Variants in PDE4D observed in about 807,000 individuals in gnomAD.
PDE4D encodes the protein phosphodiesterase 4D.
PDE4D carries 24 observed loss-of-function variants against 87.4 expected under a neutral mutation model. The ratio of observed to expected loss-of-function variants is 0.27; its 90% CI spans 0.20 to 0.39. PDE4D has a LOEUF of 0.39. PDE4D is among the 10% of genes least tolerant of loss of function. The pLI, the probability that PDE4D is intolerant of heterozygous loss-of-function variation, is 1.00. For missense variants in PDE4D, 714 were observed against 1,041.0 expected (o/e 0.69, Z 4.32); for synonymous variants, 384 against 383.2 (o/e 1.00, Z -0.02).
intron 1 of PDE4D, among the ~76,000 whole-genome samples, chr5:59,866,524 C>T (rs1747065064): frequency 6.6e-6 from 1 of 152,140 alleles, no homozygotes; most frequent in African/African-American, 2.4e-5. Context: ...TGGCTCACTC[C>T]TGTAATCCTA....
At chr5:60,413,077 T>C (rs528728775) in intron 1 of PDE4D, among the ~76,000 whole-genome samples, 1 of 152,322 alleles carries the variant, frequency 6.6e-6, no homozygotes, top group Non-Finnish European at 1.5e-5. Context: ...CTAAGCTATT[T>C]AATAAATGCA....
intron 2 of PDE4D, among the ~76,000 whole-genome samples, chr5:60,139,226 C>A (rs765977969): frequency 3.3e-5 from 5 of 152,062 alleles, no homozygotes; most frequent in Non-Finnish European, 5.9e-5. Context: ...TAGACTAATT[C>A]ATTCACAATA....
At chr5:59,617,022 A>T (rs911239880) in intron 1 of PDE4D, among the ~76,000 whole-genome samples, 9 of 147,072 alleles carry the variant, frequency 6.1e-5, no homozygotes, top group African/African-American at 2.2e-4. Context: ...CTTTTAAATT[A>T]TGCATCAGAT....
intron 1 of PDE4D, among the ~76,000 whole-genome samples, chr5:59,721,051 A>C (rs1047728580): frequency 2.0e-5 from 3 of 152,178 alleles, no homozygotes; most frequent in Non-Finnish European, 2.9e-5. Flanking sequence ...CAAGGGCCAC[A>C]GAGAAGTCTT....
At chr5:60,197,227 A>T (rs1478272287) in intron 1 of PDE4D, among the ~76,000 whole-genome samples, 1 of 151,494 alleles carries the variant, frequency 6.6e-6, no homozygotes, top group South Asian at 2.1e-4. Flanking sequence ...GCATTATATT[A>T]TGTATAGCTT....
At chr5:59,584,737 T>G (rs1824807324) in intron 1 of PDE4D, among the ~76,000 whole-genome samples, 1 of 152,134 alleles carries the variant, frequency 6.6e-6, no homozygotes, top group African/African-American at 2.4e-5. Context: ...CAGCAGAACT[T>G]AGGTAGAACA....
chr5:59,706,876 A>G (rs1406642218), intron 1 of PDE4D, among the ~76,000 whole-genome samples: 2 of 152,172 alleles, frequency 1.3e-5, no homozygotes, highest in African/African-American at 4.8e-5. Context: ...AAACCTAAAG[A>G]AAATGGTATC....
intron 1 of PDE4D, among the ~76,000 whole-genome samples, chr5:59,742,328 T>C (rs1758975639): frequency 6.6e-6 from 1 of 152,198 alleles, no homozygotes; most frequent in Admixed American, 6.5e-5. Context: ...CCTCCCAAAG[T>C]GCTGGGATTA....
At chr5:59,293,420 A>G (rs1380335182) in intron 1 of PDE4D, among the ~76,000 whole-genome samples, 1 of 152,106 alleles carries the variant, frequency 6.6e-6, no homozygotes, top group Non-Finnish European at 1.5e-5. Flanking sequence ...GTAGTTTTGA[A>G]CAGGGTTAGG....
chr5:60,245,862 C>T (rs1747699437), intron 1 of PDE4D, among the ~76,000 whole-genome samples: 1 of 151,686 alleles, frequency 6.6e-6, no homozygotes, highest in Non-Finnish European at 1.5e-5. Flanking sequence ...CTAAGGTTTG[C>T]TAGCCCAACA....
chr5:59,952,845 A>G (rs1758441134), intron 3 of PDE4D, among the ~76,000 whole-genome samples: 1 of 152,246 alleles, frequency 6.6e-6, no homozygotes, highest in Non-Finnish European at 1.5e-5. Context: ...TCAGCCCTCA[A>G]CCTTTAGAGT....
At chr5:59,276,165 A>G in intron 1 of PDE4D, 2 of 979,318 alleles carry the variant, frequency 2.0e-6, no homozygotes. Context: ...CGCCCAGCCT[A>G]GCCTCGTCAA....
At chr5:58,982,132 T>A (rs941593073) in intron 11 of PDE4D, among the ~76,000 whole-genome samples, 1 of 152,180 alleles carries the variant, frequency 6.6e-6, no homozygotes, top group African/African-American at 2.4e-5. Flanking sequence ...GGAAGCAAAC[T>A]TTGCTAGTGG....
At chr5:59,953,083 A>G (rs1426719684) in intron 3 of PDE4D, among the ~76,000 whole-genome samples, 1 of 151,802 alleles carries the variant, frequency 6.6e-6, no homozygotes, top group African/African-American at 2.4e-5. Flanking sequence ...GAAGGGAGCC[A>G]TTAATGTTTC....
chr5:59,792,450 T>C (rs951291215), intron 1 of PDE4D, among the ~76,000 whole-genome samples: 1 of 108,962 alleles, frequency 9.2e-6, no homozygotes, highest in African/African-American at 5.5e-5. Flanking sequence ...TTTGAGGAAG[T>C]GGGCATGGAG....
rs556413451 is a variant in PDE4D, at chr5:59,529,874, T to A, written c.456-313906A>T. Among the ~76,000 whole-genome samples, 5 of 152,296 alleles carry A rather than the reference T, an allele frequency of 3.3e-5. No homozygotes were observed. In the South Asian group the frequency reaches 8.3e-4, roughly 25 times the overall value. On this transcript the variant is annotated intron_variant, in intron 1 of 14. Coordinates refer to ENST00000340635, the MANE Select transcript of PDE4D (RefSeq NM_001104631.2). Reference sequence around the variant, plus strand: ...CTAGTGCACTGTATTCGGAAAAATGTGAGTTCATATGGACCTGTCAGGATG... The same window carrying A: ...CTAGTGCACTGTATTCGGAAAAATGAGAGTTCATATGGACCTGTCAGGATG...
chr5:59,049,693 A>G (rs890624953), intron 5 of PDE4D, among the ~76,000 whole-genome samples: 6 of 152,216 alleles, frequency 3.9e-5, no homozygotes, highest in African/African-American at 1.4e-4. Flanking sequence ...CATATTATCA[A>G]TATTTTTCAC....
At position 59,435,188 on chromosome 5, in the gene PDE4D, C is replaced by CACTT. The variant is rs60084992; in HGVS notation, c.456-219224_456-219221dup. Among the ~76,000 whole-genome samples, 1,093 of 152,206 alleles carry CACTT rather than the reference C, an allele frequency of 7.2e-3. 15 individuals are homozygous for CACTT. The highest frequency in any genetic ancestry group is 0.024 in the African/African-American group (999 of 41,534). Reference sequence around the variant, plus strand: ...TTTTTTCCTCCTCAAATCTATCCTTCACTTACCTACCAAGATTATCTTAAA... The same window carrying CACTT: ...TTTTTTCCTCCTCAAATCTATCCTTCACTTACTTACCTACCAAGATTATCTTAAA... On this transcript the variant is annotated intron_variant, in intron 1 of 14. Transcript: ENST00000340635.
chr5:60,398,812 C>T (rs749602666), intron 1 of PDE4D, among the ~76,000 whole-genome samples: 1 of 152,108 alleles, frequency 6.6e-6, no homozygotes, highest in Non-Finnish European at 1.5e-5. Flanking sequence ...ATTACCACTG[C>T]CCTTTTTCAA....
Sources: gnomAD v4.1 joint callset for allele counts (sites outside exome capture counted in the v4.1 genomes callset) on GRCh38, gnomAD v4.1.1 for gene constraint, MANE v1.5 for transcripts, NCBI Gene and HGNC (gene_info 2026-07-23, HGNC 2026-07-21) for gene names.